Variants in KIFAP3 observed in about 807,000 individuals in gnomAD.
KIFAP3 encodes the protein kinesin-associated protein 3.
In KIFAP3, 68 loss-of-function variants were observed where a neutral mutation model predicts 106.5. That is an observed-to-expected ratio of 0.64 (90% CI 0.53 to 0.78). The LOEUF is 0.78. Ranked by LOEUF, KIFAP3 falls within the 30% of genes least tolerant of loss-of-function variation. The pLI is 0.00. For missense variants in KIFAP3, 780 were observed against 941.8 expected (o/e 0.83, Z 2.25); for synonymous variants, 320 against 311.5 (o/e 1.03, Z -0.29).
At chr1:169,996,473 C>T (rs965604839) in intron 10 of KIFAP3, among the ~76,000 whole-genome samples, 1 of 152,054 alleles carries the variant, frequency 6.6e-6, no homozygotes, top group African/African-American at 2.4e-5. Flanking sequence ...ATTGCATGTT[C>T]AACATAGTTT....
intron 19 of KIFAP3, among the ~76,000 whole-genome samples, chr1:169,923,508 TTC>T (rs1662938175): frequency 3.9e-5 from 6 of 152,250 alleles, no homozygotes; most frequent in African/African-American, 9.6e-5. Context: ...AACTTGTTCC[TTC>T]TTCATCTTTT....
chr1:169,959,720 A>T (rs1571562543), intron 18 of KIFAP3, among the ~76,000 whole-genome samples: 1 of 152,282 alleles, frequency 6.6e-6, no homozygotes, highest in Non-Finnish European at 1.5e-5. Flanking sequence ...TATGAAAGTT[A>T]GCTATCAATC....
intron 2 of KIFAP3, among the ~76,000 whole-genome samples, chr1:170,054,658 A>G (rs960095178): frequency 3.3e-5 from 5 of 152,204 alleles, no homozygotes; most frequent in African/African-American, 1.2e-4. Flanking sequence ...TGTCCTTTGC[A>G]GTGATATGAA....
chr1:169,978,281 T>A, intron 15 of KIFAP3, 98 bp from the exon 16 acceptor site: 1 of 734,738 alleles, frequency 1.4e-6, no homozygotes, highest in Non-Finnish European at 2.3e-6. Context: ...AAACTAAAAG[T>A]GATAAGGAGA....
chr1:170,016,379 G>A, intron 10 of KIFAP3, 83 bp downstream of exon 10: 1 of 1,034,878 alleles, frequency 9.7e-7, no homozygotes, highest in Non-Finnish European at 1.4e-6. Flanking sequence ...TTTTTGTTCA[G>A]GAGGCTTTTC....
At chr1:170,083,412 G>A (rs1374588782) in intron 1 of KIFAP3, among the ~76,000 whole-genome samples, 1 of 152,202 alleles carries the variant, frequency 6.6e-6, no homozygotes, top group Admixed American at 6.5e-5. Flanking sequence ...ATTCTGTGGT[G>A]TAGTGGCTAA....
intron 16 of KIFAP3, 137 bp from the exon 17 acceptor site, chr1:169,972,735 C>T (rs1665983652): frequency 2.0e-6 from 1 of 503,232 alleles, no homozygotes; most frequent in East Asian, 3.3e-5. Context: ...ATCATTAATA[C>T]AAGATGACCA....
At chr1:170,029,875 A>C (rs1669304756) in intron 8 of KIFAP3, among the ~76,000 whole-genome samples, 1 of 152,010 alleles carries the variant, frequency 6.6e-6, no homozygotes, top group Non-Finnish European at 1.5e-5. Flanking sequence ...TCAGTAGATA[A>C]AAGATAGTGT....
chr1:170,021,179 T>TA (rs1165026958), intron 9 of KIFAP3, among the ~76,000 whole-genome samples: 1 of 152,134 alleles, frequency 6.6e-6, no homozygotes, highest in African/African-American at 2.4e-5. Flanking sequence ...GTTGTTCCTC[T>TA]AAAAAACTGT....
In KIFAP3 at chr1:170,034,479, C is replaced by A; in HGVS notation, c.635G>T (p.Gly212Val). The change falls in exon 7 of 20, where the codon GGA becomes GTA. Residue 212 changes from glycine (G) to valine (V), a missense_variant. Coordinates refer to ENST00000361580, the MANE Select transcript of KIFAP3 (RefSeq NM_014970.4). ...TCCAATTTTATAGTGAGTAATAAGT[C>A]CATGAAATTGAGAAAAGCTTTAAAG... Reference protein sequence around the residue: ...FCFSSFSQFHGLITHYKIGAL... With the variant: ...FCFSSFSQFHVLITHYKIGAL... The A allele has an allele frequency of 6.8e-7, 1 of 1,466,260 alleles. No homozygotes were observed. The highest frequency in any genetic ancestry group is 1.3e-5 in the South Asian group (1 of 78,568). The allele number at this position is 1,466,260 out of a possible 1,614,324, so 90.8% of individuals were successfully genotyped here.
At chr1:170,064,724 T>C (rs1671348449) in intron 1 of KIFAP3, among the ~76,000 whole-genome samples, 2 of 152,262 alleles carry the variant, frequency 1.3e-5, no homozygotes, top group African/African-American at 4.8e-5. Flanking sequence ...CCTTAAATCA[T>C]GAATGTGTAG....
intron 2 of KIFAP3, among the ~76,000 whole-genome samples, chr1:170,055,070 A>G (rs1023017278): frequency 9.9e-5 from 15 of 152,212 alleles, no homozygotes; most frequent in African/African-American, 3.6e-4. Flanking sequence ...TAAATGGGAT[A>G]AATTAGAATA....
At chr1:170,069,712 T>C (rs1007861522) in intron 1 of KIFAP3, among the ~76,000 whole-genome samples, 1 of 152,084 alleles carries the variant, frequency 6.6e-6, no homozygotes, top group Non-Finnish European at 1.5e-5. Context: ...AATATCATAC[T>C]CAATGGTGAA....
At chr1:170,050,314 A>T (rs1354178841) in intron 2 of KIFAP3, among the ~76,000 whole-genome samples, 21 of 152,200 alleles carry the variant, frequency 1.4e-4, no homozygotes, top group Admixed American at 1.4e-3. Context: ...AAAGGAACAA[A>T]CAAAGCCTCC....
chr1:169,974,450 C>A (rs1309187268), intron 16 of KIFAP3, among the ~76,000 whole-genome samples: 1 of 151,770 alleles, frequency 6.6e-6, no homozygotes, highest in Non-Finnish European at 1.5e-5. Context: ...ACTATTTAAA[C>A]TGTTGTTTTT....
upstream of KIFAP3, among the ~76,000 whole-genome samples, chr1:170,078,173 G>C (rs1671955494): frequency 6.6e-6 from 1 of 151,766 alleles, no homozygotes; most frequent in African/African-American, 2.4e-5. Context: ...CAATGTATGA[G>C]TTCAGATTTA....
chr1:169,947,158 T>C (rs1011333204), intron 19 of KIFAP3, among the ~76,000 whole-genome samples: 1 of 151,982 alleles, frequency 6.6e-6, no homozygotes, highest in African/African-American at 2.4e-5. Context: ...CTTAAAATTA[T>C]TTCTATTGGT....
intron 7 of KIFAP3, among the ~76,000 whole-genome samples, chr1:170,033,256 G>A (rs933541194): frequency 6.6e-6 from 1 of 151,664 alleles, no homozygotes; most frequent in Non-Finnish European, 1.5e-5. Flanking sequence ...AGTTCCATGT[G>A]ACAACAGTAA....
At chr1:169,998,389 TATATATATATAC>T (rs1331163971) in intron 10 of KIFAP3, among the ~76,000 whole-genome samples, 131 of 54,620 alleles carry the variant, frequency 2.4e-3, no homozygotes, top group African/African-American at 7.2e-3. Context: ...CAGATATATA[TATATATATATAC>T]ACACACACAC....
Sources: gnomAD v4.1 joint callset for allele counts (sites outside exome capture counted in the v4.1 genomes callset) on GRCh38, gnomAD v4.1.1 for gene constraint, MANE v1.5 for transcripts, NCBI Gene and HGNC (gene_info 2026-07-23, HGNC 2026-07-21) for gene names.